Variants in NAALAD2 observed in about 807,000 individuals in gnomAD.
NAALAD2 encodes N-acetylated alpha-linked acidic dipeptidase 2, also known as N-acetylated-alpha-linked acidic dipeptidase 2.
A neutral mutation model predicts 95.6 loss-of-function variants in NAALAD2; 89 were observed. That is an observed-to-expected ratio of 0.93 (90% CI 0.78 to 1.11). The LOEUF (loss-of-function observed/expected upper bound fraction) is 1.11, where lower values mean the gene tolerates loss of function less well. Among genes scored for constraint, NAALAD2 ranks in the 50% least tolerant of loss-of-function variants. NAALAD2 has a pLI of 0.00. For synonymous variants in NAALAD2, 264 were observed against 294.4 expected (o/e 0.90, Z 1.06); for missense variants, 894 against 872.4 (o/e 1.02, Z -0.31).
At chr11:90,141,594 T>TTTTGTTTG (rs59701082) in intron 2 of NAALAD2, among the ~76,000 whole-genome samples, 2,234 of 151,194 alleles carry the variant, frequency 0.015, 56 homozygotes, top group African/African-American at 0.048. Context: ...TCTAAGAAGG[T>TTTTGTTTG]TTTGTTTGTT....
chr11:90,170,089 G>A lies in NAALAD2; in HGVS notation c.1363G>A (p.Asp455Asn). Reference sequence around the variant, plus strand: ...TTCAGGCAATTATACTCTCAGAGTTGACTGTACTCCCCTTCTTTACCAATT... The same window carrying A: ...TTCAGGCAATTATACTCTCAGAGTTAACTGTACTCCCCTTCTTTACCAATT... Reference protein sequence around the residue: ...SIEGNYTLRVDCTPLLYQLVY... With the variant: ...SIEGNYTLRVNCTPLLYQLVY... Residue 455 changes from aspartate (D) to asparagine (N), a missense_variant, in exon 13 of 19, where the codon GAC (aspartate) becomes AAC (asparagine). Asp to Asn is a conservative substitution (Grantham distance 23). Transcript: ENST00000534061. 1 of 1,589,528 alleles carries A rather than the reference G, an allele frequency of 6.3e-7. No homozygotes were observed.
At chr11:90,134,491 C>A, upstream of NAALAD2, 1 of 455,250 alleles carries the variant, frequency 2.2e-6, no homozygotes, top group South Asian at 3.2e-5. Flanking sequence ...CTCCCGCCAC[C>A]TACTATGTCC....
rs1211976298 is a variant in NAALAD2 at position 90,192,606 on chromosome 11, AAAC to A, written c.*862_*864del. The A allele has an allele frequency of 6.6e-6, 1 of 152,010 alleles. No individual in the cohort carries two copies. The highest frequency in any genetic ancestry group is 6.6e-5 in the Admixed American group (1 of 15,240). 9.4% of individuals were successfully genotyped at this position (152,010 alleles called of 1,614,324 possible). On this transcript the variant is annotated 3_prime_UTR_variant, in exon 19 of 19. Transcript: ENST00000534061. ...AAGCCTCAATAAACGTGATTATAAAAAACAAGTCTGCAAGGAAACCAGAATCAT... is the reference window on the plus strand; with the variant it reads ...AAGCCTCAATAAACGTGATTATAAAAAAGTCTGCAAGGAAACCAGAATCAT...
At chr11:90,151,312 G>C (rs544335814) in intron 5 of NAALAD2, among the ~76,000 whole-genome samples, 15 of 152,228 alleles carry the variant, frequency 9.9e-5, no homozygotes, top group African/African-American at 3.6e-4. Context: ...CTGGTACTTA[G>C]TAATTTCTAT....
chr11:90,166,628 G>T (rs929329576), intron 11 of NAALAD2, among the ~76,000 whole-genome samples: 1 of 152,108 alleles, frequency 6.6e-6, no homozygotes, highest in African/African-American at 2.4e-5. Context: ...GAGGTCAGGA[G>T]ATCGAGACCA....
intron 16 of NAALAD2, among the ~76,000 whole-genome samples, chr11:90,179,338 A>G (rs1952896654): frequency 6.6e-6 from 1 of 152,140 alleles, no homozygotes; most frequent in African/African-American, 2.4e-5. Flanking sequence ...TCATAGTCCT[A>G]AGAAAGCTTA....
chr11:90,150,729 C>A (rs184529791), intron 5 of NAALAD2, 122 bp downstream of exon 5: 2 of 800,854 alleles, frequency 2.5e-6, no homozygotes, highest in Admixed American at 4.0e-5. Flanking sequence ...TTTTTTCTTC[C>A]TATTTGCCAT....
chr11:90,178,252 A>C, intron 16 of NAALAD2, 135 bp downstream of exon 16: 1 of 991,984 alleles, frequency 1.0e-6, no homozygotes, highest in Middle Eastern at 3.3e-4. Flanking sequence ...CTACACAAAA[A>C]CTTAAAACAA....
intron 6 of NAALAD2, among the ~76,000 whole-genome samples, chr11:90,155,397 A>AAT (rs1431388354): frequency 1.3e-5 from 1 of 78,088 alleles, no homozygotes; most frequent in South Asian, 3.6e-4. Flanking sequence ...TGTAATATAT[A>AAT]ATATATATAA....
chr11:90,142,497 G>A (rs1419155405), intron 2 of NAALAD2, among the ~76,000 whole-genome samples: 3 of 151,948 alleles, frequency 2.0e-5, no homozygotes, highest in African/African-American at 4.8e-5. Flanking sequence ...GTTTATATAC[G>A]ATGTCTTCTT....
upstream of NAALAD2, chr11:90,131,902 A>T (rs1951358083): frequency 6.6e-6 from 1 of 152,224 alleles, no homozygotes; most frequent in Non-Finnish European, 1.5e-5. Flanking sequence ...GGTTTTCAAT[A>T]CTCAAAGTTT....
chr11:90,137,249 T>C (rs1296715869), intron 2 of NAALAD2, among the ~76,000 whole-genome samples: 3 of 151,910 alleles, frequency 2.0e-5, no homozygotes, highest in Non-Finnish European at 4.4e-5. Flanking sequence ...GTTGGTTCAA[T>C]GGGTACAAAA....
At chr11:90,148,546 T>C (rs186357114) in intron 3 of NAALAD2, among the ~76,000 whole-genome samples, 1 of 152,066 alleles carries the variant, frequency 6.6e-6, no homozygotes, top group Non-Finnish European at 1.5e-5. Context: ...AATATATGAA[T>C]CTGAAAAGGT....
chr11:90,191,827 C>G lies in NAALAD2; in HGVS notation c.*80C>G. On this transcript the variant is annotated 3_prime_UTR_variant, in exon 19 of 19. Coordinates refer to ENST00000534061, the MANE Select transcript of NAALAD2 (RefSeq NM_005467.4). ...TCACCTTTCTGATAACTTATGAAGC[C>G]AGGGTGTTCTAAACTCTTTTCATGT... 1 of 1,154,988 alleles carries G rather than the reference C, an allele frequency of 8.7e-7. No homozygotes were observed. The highest frequency in any genetic ancestry group is 1.2e-6 in the Non-Finnish European group (1 of 856,556). 71.5% of individuals were successfully genotyped at this position (1,154,988 alleles called of 1,614,324 possible).
intron 11 of NAALAD2, among the ~76,000 whole-genome samples, chr11:90,168,632 T>G (rs1018817716): frequency 8.5e-5 from 13 of 152,224 alleles, no homozygotes; most frequent in African/African-American, 2.7e-4. Flanking sequence ...CATAGTCTGA[T>G]GCAGGGAATC....
chr11:90,175,648 C>T (rs1952767967), intron 14 of NAALAD2, among the ~76,000 whole-genome samples: 1 of 152,046 alleles, frequency 6.6e-6, no homozygotes, highest in Admixed American at 6.6e-5. Flanking sequence ...AATGTAAATG[C>T]TGAAGATATG....
chr11:90,156,772 TAG>T (rs1952129450), intron 6 of NAALAD2, among the ~76,000 whole-genome samples: 1 of 152,168 alleles, frequency 6.6e-6, no homozygotes, highest in South Asian at 2.1e-4. Context: ...TGTTTACTTT[TAG>T]AGATGGGTCT....
intron 2 of NAALAD2, among the ~76,000 whole-genome samples, chr11:90,144,461 C>T (rs1951698720): frequency 6.6e-6 from 1 of 151,966 alleles, no homozygotes; most frequent in Non-Finnish European, 1.5e-5. Flanking sequence ...AGGAGGTTGG[C>T]TGGGCACGTT....
At chr11:90,177,707 C>G in intron 15 of NAALAD2, 146 bp from the exon 16 acceptor site, 1 of 646,000 alleles carries the variant, frequency 1.5e-6, no homozygotes, top group Non-Finnish European at 2.3e-6. Flanking sequence ...CCTGCCTTGG[C>G]TTCCCAAAGT....
Sources: gnomAD v4.1 joint callset for allele counts (sites outside exome capture counted in the v4.1 genomes callset) on GRCh38, gnomAD v4.1.1 for gene constraint, MANE v1.5 for transcripts, NCBI Gene and HGNC (gene_info 2026-07-23, HGNC 2026-07-21) for gene names.